Variants in CIMIP2A observed in about 807,000 individuals in gnomAD.
CIMIP2A encodes the protein ciliary microtubule inner protein 2A.
At chr9:137,243,760 G>A in the CIMIP2A span, 9,560 of 1,614,028 alleles carry the variant, frequency 5.9e-3, 147 homozygotes, top group African/African-American at 0.042. Flanking sequence ...TGCTGTTGCC[G>A]AATGTCAGGG....
chr9:137,249,960 T>C, the CIMIP2A span, among the ~76,000 whole-genome samples: 1 of 151,906 alleles, frequency 6.6e-6, no homozygotes, highest in Non-Finnish European at 1.5e-5. Context: ...TTGCGACTGG[T>C]GTGTGTCTGG....
chr9:137,252,146 C>T, the CIMIP2A span: 18 of 1,601,054 alleles, frequency 1.1e-5, no homozygotes, highest in Non-Finnish European at 1.3e-5. Context: ...GTGTGTGTCC[C>T]CTCCCTGAGG....
At chr9:137,254,024 TGTCATCACTG>T in the CIMIP2A span, among the ~76,000 whole-genome samples, 1 of 150,726 alleles carries the variant, frequency 6.6e-6, no homozygotes, top group Non-Finnish European at 1.5e-5. Context: ...GGGCCTCCCT[TGTCATCACTG>T]GCCTGCCCTC....
the CIMIP2A span, chr9:137,244,699 C>G: frequency 6.2e-7 from 1 of 1,613,738 alleles, no homozygotes; most frequent in African/African-American, 1.3e-5. Context: ...AATTCAACCC[C>G]ATTACCCAGG....
At chr9:137,251,945 TGTGG>T in the CIMIP2A span, 62 of 1,596,510 alleles carry the variant, frequency 3.9e-5, no homozygotes, top group Non-Finnish European at 5.1e-5. Flanking sequence ...TTTGGGGGGC[TGTGG>T]GAGGGGCCCG....
chr9:137,244,038 A>G, the CIMIP2A span: 1 of 1,019,514 alleles, frequency 9.8e-7, no homozygotes, highest in South Asian at 1.5e-5. Context: ...AGACAATCCT[A>G]CCCCAACCAA....
At chr9:137,252,303 G>A in the CIMIP2A span, 4 of 1,323,978 alleles carry the variant, frequency 3.0e-6, no homozygotes, top group Admixed American at 4.1e-5. Context: ...AGGAGGGCTA[G>A]GGCTGGGGCA....
chr9:137,252,113 C>T, the CIMIP2A span: 136 of 1,611,434 alleles, frequency 8.4e-5, no homozygotes, highest in South Asian at 1.8e-4. Flanking sequence ...ACTACAGCAT[C>T]GGCTGCAAGC....
chr9:137,251,644 C>T, the CIMIP2A span: 4 of 1,455,368 alleles, frequency 2.7e-6, no homozygotes, highest in African/African-American at 4.2e-5. Flanking sequence ...CTGGGAGCAG[C>T]CGGGGGCTGA....
At chr9:137,249,108 G>A in the CIMIP2A span, among the ~76,000 whole-genome samples, 3 of 151,442 alleles carry the variant, frequency 2.0e-5, no homozygotes, top group African/African-American at 7.3e-5. Flanking sequence ...CGCCCACCTC[G>A]GCCTCCCAAA....
At chr9:137,252,117 T>C in the CIMIP2A span, 1 of 1,611,410 alleles carries the variant, frequency 6.2e-7, no homozygotes, top group Non-Finnish European at 8.5e-7. Flanking sequence ...CAGCATCGGC[T>C]GCAAGCACCA....
chr9:137,244,222 G>C, the CIMIP2A span: 1 of 1,613,934 alleles, frequency 6.2e-7, no homozygotes, highest in Non-Finnish European at 8.5e-7. Context: ...CTGTAGATGT[G>C]GTTGCTGGGC....
chr9:137,251,132 T>A, the CIMIP2A span: 1 of 652,214 alleles, frequency 1.5e-6, no homozygotes, highest in Non-Finnish European at 2.8e-6. Flanking sequence ...GATCATCTAG[T>A]TAGTGGGGGA....
At chr9:137,249,384 C>A in the CIMIP2A span, among the ~76,000 whole-genome samples, 1 of 152,218 alleles carries the variant, frequency 6.6e-6, no homozygotes, top group Non-Finnish European at 1.5e-5. Flanking sequence ...GCTTCCACTC[C>A]TAAGAAGCTG....
chr9:137,244,891 A>C, the CIMIP2A span: 1 of 1,576,628 alleles, frequency 6.3e-7, no homozygotes, highest in Middle Eastern at 1.7e-4. Context: ...GGGAACAGGC[A>C]GGCAAGGCAC....
the CIMIP2A span, among the ~76,000 whole-genome samples, chr9:137,249,032 A>AGTAGTAC: frequency 7.0e-6 from 1 of 142,068 alleles, no homozygotes; most frequent in Admixed American, 7.1e-5. Flanking sequence ...TTTTTTTTGT[A>AGTAGTAC]TTTTTAGTAG....
the CIMIP2A span, chr9:137,244,204 C>T: frequency 1.3e-3 from 2,070 of 1,613,930 alleles, 16 homozygotes; most frequent in African/African-American, 0.023. Context: ...GGGATCAGGC[C>T]TTGGCTGCTG....
the CIMIP2A span, among the ~76,000 whole-genome samples, chr9:137,253,652 G>A: frequency 2.0e-5 from 3 of 152,234 alleles, no homozygotes; most frequent in Non-Finnish European, 4.4e-5. Context: ...GCTCTAGCCT[G>A]GAGCGAGATG....
At chr9:137,251,669 G>C in the CIMIP2A span, 2 of 1,516,888 alleles carry the variant, frequency 1.3e-6, no homozygotes, top group Non-Finnish European at 1.8e-6. Flanking sequence ...CAATAGAGGG[G>C]ACAGGCTGTG....
Sources: gnomAD v4.1 joint callset for allele counts (sites outside exome capture counted in the v4.1 genomes callset) on GRCh38, gnomAD v4.1.1 for gene constraint, MANE v1.5 for transcripts, NCBI Gene and HGNC (gene_info 2026-07-23, HGNC 2026-07-21) for gene names.